Variants in USP37 observed in about 807,000 individuals in gnomAD.
The protein encoded by USP37 is ubiquitin carboxyl-terminal hydrolase 37.
Under a neutral mutation model 124.0 loss-of-function variants are expected in USP37, and 27 were observed. That is an observed-to-expected ratio of 0.22 (90% confidence interval 0.16 to 0.30). The LOEUF is 0.30. Among genes scored for constraint, USP37 ranks in the 10% least tolerant of loss-of-function variants. USP37 has a pLI of 1.00. For synonymous variants in USP37, 365 were observed against 388.0 expected (o/e 0.94, Z 0.70); for missense variants, 889 against 1,140.4 (o/e 0.78, Z 3.17).
intron 9 of USP37, among the ~76,000 whole-genome samples, chr2:218,533,278 C>G (rs1220618774): frequency 6.6e-6 from 1 of 151,926 alleles, no homozygotes; most frequent in Non-Finnish European, 1.5e-5. Flanking sequence ...AATAACATTT[C>G]TACTACTTCT....
chr2:218,553,384 G>A (rs1219325733), intron 5 of USP37, among the ~76,000 whole-genome samples, 169 bp downstream of exon 5: 1 of 152,216 alleles, frequency 6.6e-6, no homozygotes, highest in Non-Finnish European at 1.5e-5. Flanking sequence ...GTGTTACACA[G>A]ATTGATTTTC....
chr2:218,562,555 G>A (rs1693363928), intron 2 of USP37, 118 bp downstream of exon 2: 2 of 393,448 alleles, frequency 5.1e-6, no homozygotes, highest in Non-Finnish European at 9.0e-6. Context: ...GCATTCAGTG[G>A]TAAATAAAGT....
At chr2:218,475,293 A>T (rs1024015651) in intron 19 of USP37, among the ~76,000 whole-genome samples, 5 of 152,238 alleles carry the variant, frequency 3.3e-5, no homozygotes, top group Admixed American at 1.3e-4. Flanking sequence ...CTTATTAACA[A>T]TAAATGAGAA....
At chr2:218,455,786 G>T in intron 24 of USP37, 68 bp from the exon 25 acceptor site, 2 of 1,524,524 alleles carry the variant, frequency 1.3e-6, no homozygotes. Flanking sequence ...GATGGCTCAC[G>T]CCTGTAATCT....
Position 218,482,845 on chromosome 2 carries a change from C to A in USP37, c.1671-611G>T, listed in dbSNP as rs115404125. 3.4e-3 allele frequency among the ~76,000 whole-genome samples: 510 copies of A among 152,222 alleles called. 2 individuals are homozygous for A. Among genetic ancestry groups the A allele is most frequent in the Non-Finnish European group, 5.6e-3 (380 of 68,002 alleles). ...TTTAGCTCTTTAGAAGCACTGAATT[C>A]TTTGTGGTTAAAATTGTGGTAACCT... is the stretch of plus-strand genomic sequence containing the variant. On this transcript the variant is annotated intron_variant, in intron 16 of 25. Coordinates refer to ENST00000258399, the MANE Select transcript of USP37 (RefSeq NM_020935.3).
chr2:218,562,856 A>C (rs893962322), intron 1 of USP37, 43 bp from the exon 2 acceptor site: 4 of 397,280 alleles, frequency 1.0e-5, no homozygotes, highest in Admixed American at 8.8e-5. Flanking sequence ...AACCCAATAT[A>C]CAAAATTAAT....
At chr2:218,556,029 C>T (rs1692950874) in intron 4 of USP37, among the ~76,000 whole-genome samples, 1 of 152,182 alleles carries the variant, frequency 6.6e-6, no homozygotes, top group African/African-American at 2.4e-5. Context: ...ATATGTCCTT[C>T]TATTCTCCCA....
intron 6 of USP37, among the ~76,000 whole-genome samples, chr2:218,548,873 T>C (rs1692517230): frequency 6.6e-6 from 1 of 152,202 alleles, no homozygotes; most frequent in Non-Finnish European, 1.5e-5. Flanking sequence ...CTATATGTGT[T>C]AACACTTATG....
chr2:218,562,479 T>C (rs989244210), intron 2 of USP37, among the ~76,000 whole-genome samples, 194 bp downstream of exon 2: 1 of 152,226 alleles, frequency 6.6e-6, no homozygotes, highest in Non-Finnish European at 1.5e-5. Flanking sequence ...AATGTTTCTA[T>C]GCCCTGTACA....
chr2:218,546,995 C>G lies in USP37; in HGVS notation c.526G>C (p.Gly176Arg). The change falls in exon 7 of 26, where the codon GGA becomes CGA. Residue 176 changes from glycine (G) to arginine (R), a missense_variant. Gly to Arg is a moderately radical substitution (Grantham distance 125). Transcript: ENST00000258399. ...PGRGSIKTVA[G>R]SGIARTIPSL... ...GGAATCGTCCGAGCTATTCCACTTC[C>G]TGCTACAGTCTTAATCGATCCTCTA... 6.2e-7 allele frequency: 1 copy of G among 1,613,800 alleles called. No individual in the cohort carries two copies. The highest frequency in any genetic ancestry group is 8.5e-7 in the Non-Finnish European group (1 of 1,179,926).
chr2:218,505,909 G>A (rs974982714), intron 11 of USP37, among the ~76,000 whole-genome samples: 3 of 151,928 alleles, frequency 2.0e-5, no homozygotes, highest in Non-Finnish European at 4.4e-5. Flanking sequence ...CTGTCACCCA[G>A]GCTGGAGTGC....
At chr2:218,494,484 T>A (rs1005792989) in intron 14 of USP37, among the ~76,000 whole-genome samples, 5 of 152,236 alleles carry the variant, frequency 3.3e-5, no homozygotes, top group South Asian at 2.1e-4. Context: ...ATTTCAAAAA[T>A]AAAGAATACC....
chr2:218,549,420 T>A (rs1438920251), intron 6 of USP37, among the ~76,000 whole-genome samples: 1 of 151,982 alleles, frequency 6.6e-6, no homozygotes, highest in Non-Finnish European at 1.5e-5. Context: ...AATGAAATGA[T>A]ACATTTCAGG....
chr2:218,565,199 T>A (rs1693525079), intron 1 of USP37, among the ~76,000 whole-genome samples: 1 of 152,222 alleles, frequency 6.6e-6, no homozygotes, highest in African/African-American at 2.4e-5. Flanking sequence ...CTGGGATTAC[T>A]GGCATGAGCC....
chr2:218,485,295 G>A (rs1002648185), intron 16 of USP37, among the ~76,000 whole-genome samples: 5 of 151,726 alleles, frequency 3.3e-5, no homozygotes, highest in East Asian at 1.9e-4. Flanking sequence ...TATTTCAAAC[G>A]CTTTTCCTTC....
chr2:218,464,221 T>C (rs964989553), intron 21 of USP37, among the ~76,000 whole-genome samples: 2 of 151,690 alleles, frequency 1.3e-5, no homozygotes, highest in Non-Finnish European at 2.9e-5. Flanking sequence ...GAACCACTGA[T>C]CTAGAGAAAT....
chr2:218,553,450 A>T, intron 5 of USP37, 103 bp downstream of exon 5: 2 of 1,089,928 alleles, frequency 1.8e-6, no homozygotes, highest in Non-Finnish European at 2.5e-6. Context: ...CATGGTGTAT[A>T]ATCCTTTTAA....
intron 8 of USP37, among the ~76,000 whole-genome samples, chr2:218,536,532 A>G (rs990890931): frequency 7.9e-5 from 12 of 152,238 alleles, no homozygotes; most frequent in African/African-American, 2.7e-4. Context: ...GATTAAAACA[A>G]CTTTATGGTG....
At chr2:218,502,749 T>G (rs1559190970) in intron 11 of USP37, among the ~76,000 whole-genome samples, 1 of 152,126 alleles carries the variant, frequency 6.6e-6, no homozygotes, top group Admixed American at 6.6e-5. Flanking sequence ...GCATCTTATT[T>G]CTGAAAAGCA....
Sources: gnomAD v4.1 joint callset for allele counts (sites outside exome capture counted in the v4.1 genomes callset) on GRCh38, gnomAD v4.1.1 for gene constraint, MANE v1.5 for transcripts, NCBI Gene and HGNC (gene_info 2026-07-23, HGNC 2026-07-21) for gene names.